The following C7orf33 variants were observed in gnomAD, a reference collection of about 807,000 sequenced individuals.
C7orf33 encodes uncharacterized protein C7orf33.
C7orf33 carries 15 observed loss-of-function variants against 13.4 expected under a neutral mutation model. The observed-to-expected ratio is 1.12, with a 90% CI of 0.75 to 1.72. C7orf33 has a LOEUF of 1.72. Among genes scored for constraint, C7orf33 ranks in the 40% most tolerant of loss-of-function variants. The pLI is 0.00. For missense variants in C7orf33, 187 were observed against 220.3 expected (o/e 0.85, Z 0.96); for synonymous variants, 73 against 83.2 (o/e 0.88, Z 0.67).
chr7:148,606,742 A>T (rs1370391678), intron 1 of C7orf33, among the ~76,000 whole-genome samples: 1 of 152,122 alleles, frequency 6.6e-6, no homozygotes, highest in Non-Finnish European at 1.5e-5. Context: ...ACCCACCACC[A>T]TGCCCAGCTA....
intron 1 of C7orf33, among the ~76,000 whole-genome samples, chr7:148,595,071 C>T (rs1397793349): frequency 1.3e-5 from 2 of 151,716 alleles, no homozygotes; most frequent in Non-Finnish European, 2.9e-5. Context: ...TGAATATTCA[C>T]CAGGTCAGGT....
At chr7:148,606,100 C>G (rs1255629861) in intron 1 of C7orf33, among the ~76,000 whole-genome samples, 2 of 152,150 alleles carry the variant, frequency 1.3e-5, no homozygotes, top group African/African-American at 4.8e-5. Flanking sequence ...ACCATCACCA[C>G]CACAAATCCC....
At chr7:148,600,251 T>C (rs1796396687) in intron 1 of C7orf33, among the ~76,000 whole-genome samples, 1 of 152,140 alleles carries the variant, frequency 6.6e-6, no homozygotes, top group Non-Finnish European at 1.5e-5. Flanking sequence ...GGCAGATCAC[T>C]TGAGATCAGG....
At chr7:148,609,095 G>A (rs1004268562) in intron 1 of C7orf33, among the ~76,000 whole-genome samples, 4 of 111,918 alleles carry the variant, frequency 3.6e-5, no homozygotes, top group Non-Finnish European at 5.3e-5. Flanking sequence ...TTGCAAAGAC[G>A]TTATTTTGAA....
At chr7:148,592,067 C>T (rs1041934545) in intron 1 of C7orf33, among the ~76,000 whole-genome samples, 3 of 152,232 alleles carry the variant, frequency 2.0e-5, no homozygotes, top group Non-Finnish European at 4.4e-5. Context: ...TCCCATGTTG[C>T]AGTTCCTGGC....
intron 1 of C7orf33, 47 bp from the exon 2 acceptor site, chr7:148,613,995 T>C: frequency 6.3e-7 from 1 of 1,588,360 alleles, no homozygotes; most frequent in Non-Finnish European, 8.6e-7. Flanking sequence ...CTGATCACCA[T>C]CTTTCCACCC....
At position 148,615,506 on chromosome 7, in the gene C7orf33, G is replaced by A. The variant is rs933412859; in HGVS notation, c.*105G>A. On this transcript the variant is annotated 3_prime_UTR_variant, in exon 3 of 3. Transcript: ENST00000307003. ...AGCTGAAGTTCTGGAAATAACAGTT[G>A]ATGAAAACTTGGTAATCTGAAGTCT... 2 of 744,762 alleles carry A rather than the reference G, an allele frequency of 2.7e-6. No homozygotes were observed. Among genetic ancestry groups the A allele is most frequent in the Non-Finnish European group, 4.6e-6 (2 of 431,508 alleles). The allele number at this position is 744,762 out of a possible 1,614,324, so 46.1% of individuals were successfully genotyped here.
At chr7:148,599,991 G>A (rs188266603) in intron 1 of C7orf33, among the ~76,000 whole-genome samples, 7 of 152,296 alleles carry the variant, frequency 4.6e-5, no homozygotes, top group Admixed American at 2.0e-4. Flanking sequence ...GACAGGCTGC[G>A]TGTAGGAAAG....
intron 1 of C7orf33, among the ~76,000 whole-genome samples, chr7:148,598,763 T>TATAG (rs1796379082): frequency 1.1e-4 from 3 of 26,194 alleles, no homozygotes; most frequent in East Asian, 1.2e-3. Context: ...TATATATATA[T>TATAG]AGAGAGAGAG....
chr7:148,603,089 GAT>G (rs1796434558), intron 1 of C7orf33, among the ~76,000 whole-genome samples: 1 of 152,126 alleles, frequency 6.6e-6, no homozygotes, highest in South Asian at 2.1e-4. Context: ...AGGAAATAAA[GAT>G]ACAAAATCAG....
At chr7:148,611,355 G>A (rs1023590921) in intron 1 of C7orf33, among the ~76,000 whole-genome samples, 1 of 152,118 alleles carries the variant, frequency 6.6e-6, no homozygotes, top group Non-Finnish European at 1.5e-5. Flanking sequence ...AGACCTTAGT[G>A]GGTACACACA....
chr7:148,603,105 A>T (rs1210980698), intron 1 of C7orf33, among the ~76,000 whole-genome samples: 7 of 152,174 alleles, frequency 4.6e-5, no homozygotes. Flanking sequence ...AAATCAGCAG[A>T]CCCAGCCCCA....
intron 1 of C7orf33, among the ~76,000 whole-genome samples, chr7:148,593,908 A>G (rs898179063): frequency 6.6e-6 from 1 of 152,154 alleles, no homozygotes; most frequent in African/African-American, 2.4e-5. Flanking sequence ...TGATTGGATC[A>G]TGGGGGTGGA....
intron 2 of C7orf33, among the ~76,000 whole-genome samples, chr7:148,615,044 T>TA (rs1563125586): frequency 1.3e-5 from 2 of 152,168 alleles, no homozygotes; most frequent in African/African-American, 4.8e-5. Flanking sequence ...CGATTTTTTT[T>TA]AATACTTTTT....
intron 1 of C7orf33, among the ~76,000 whole-genome samples, chr7:148,595,494 G>C (rs190857786): frequency 1.7e-5 from 2 of 119,060 alleles, no homozygotes; most frequent in Non-Finnish European, 3.2e-5. Context: ...ATATACTATA[G>C]ATCTATATTA....
At chr7:148,595,282 A>G (rs1796316013) in intron 1 of C7orf33, among the ~76,000 whole-genome samples, 1 of 142,676 alleles carries the variant, frequency 7.0e-6, no homozygotes, top group African/African-American at 2.6e-5. Context: ...TCTATATTAT[A>G]TAGATATATA....
intron 1 of C7orf33, among the ~76,000 whole-genome samples, chr7:148,604,379 G>A (rs193021958): frequency 1.8e-4 from 27 of 152,188 alleles, no homozygotes; most frequent in African/African-American, 5.8e-4. Context: ...CACCCACCTC[G>A]GCCTCCCACA....
intron 1 of C7orf33, among the ~76,000 whole-genome samples, chr7:148,596,377 A>G (rs910371231): frequency 2.6e-5 from 4 of 152,218 alleles, no homozygotes; most frequent in African/African-American, 9.7e-5. Flanking sequence ...CTTCTGTTAC[A>G]GTCTCATTCA....
chr7:148,596,353 A>G (rs1321225006), intron 1 of C7orf33, among the ~76,000 whole-genome samples: 1 of 152,208 alleles, frequency 6.6e-6, no homozygotes, highest in Non-Finnish European at 1.5e-5. Context: ...GGACAAATAC[A>G]TAAGGTCATG....
Sources: allele counts gnomAD v4.1 joint callset (sites outside exome capture counted in the v4.1 genomes callset), GRCh38; gene constraint gnomAD v4.1.1; transcripts MANE v1.5; gene names NCBI Gene and HGNC (gene_info 2026-07-23, HGNC 2026-07-21).